PCDHA8: variants seen among roughly 807,000 people sequenced by gnomAD.
The protein encoded by PCDHA8 is protocadherin alpha-8.
Under a neutral mutation model 61.8 loss-of-function variants are expected in PCDHA8, and 53 were observed. The ratio of observed to expected loss-of-function variants is 0.86; its 90% CI spans 0.69 to 1.08. PCDHA8 has a LOEUF of 1.08. Ranked by LOEUF, PCDHA8 falls within the 50% of genes least tolerant of loss-of-function variation. The pLI is 0.00. For synonymous variants in PCDHA8, 618 were observed against 556.6 expected, an observed-to-expected ratio of 1.11 and a Z score of -1.55; for missense variants, 1,293 against 1,245.0, an observed-to-expected ratio of 1.04 and a Z score of -0.58.
chr5:140,855,923 A>C (rs1424860955), intron 1 of PCDHA8: 25 of 1,229,030 alleles, frequency 2.0e-5, no homozygotes, highest in Non-Finnish European at 2.7e-5. Context: ...ACTAGGAAGT[A>C]GCGTCATTCT....
chr5:140,863,572 A>T (rs2048074367), intron 1 of PCDHA8: 1 of 368,290 alleles, frequency 2.7e-6, no homozygotes, highest in African/African-American at 2.1e-5. Flanking sequence ...GAATATAAGT[A>T]CTGTAATCCT....
chr5:140,967,073 G>C (rs1554229137), intron 1 of PCDHA8: 1 of 1,613,160 alleles, frequency 6.2e-7, no homozygotes, highest in Non-Finnish European at 8.5e-7. Context: ...CTTCGTCAAC[G>C]AGCGCATTGA....
Position 141,010,149 on chromosome 5 carries a change from C to T in PCDHA8, c.*212C>T. 6.3e-7 allele frequency: 1 copy of T among 1,580,088 alleles called. No individual in the cohort carries two copies. Among genetic ancestry groups the T allele is most frequent in the Non-Finnish European group, 8.6e-7 (1 of 1,161,942 alleles). On this transcript the variant is annotated 3_prime_UTR_variant, in exon 4 of 4. Transcript: ENST00000531613. ...GTCTGGTGTTAACTCTTTCTCTCCA[C>T]TCTGGCTTGTTTTCAGAACCTAAAA...
rs782239316 is a variant in PCDHA8 at position 140,877,376 on chromosome 5, G to T, written c.2394+33661G>T. 6.2e-6 allele frequency: 10 copies of T among 1,613,896 alleles called. No individual in the cohort carries two copies. The South Asian group carries it at 6.6e-5, about 11-fold the overall frequency. On this transcript the variant is annotated intron_variant, in intron 1 of 3. Transcript: ENST00000531613. The stretch of plus-strand genomic sequence containing the variant: ...TACACTGGCGAGATCAGCACGACAC[G>T]CATCCTGGATGAGGCGGACGCTCCG...
chr5:140,854,720 C>G (rs2043201249), intron 1 of PCDHA8: 1 of 149,654 alleles, frequency 6.7e-6, no homozygotes, highest in African/African-American at 2.4e-5. Flanking sequence ...AGACAGAAAA[C>G]TCAAGTTTTT....
chr5:140,884,821 G>A, intron 1 of PCDHA8: 2 of 1,011,756 alleles, frequency 2.0e-6, no homozygotes, highest in South Asian at 2.2e-5. Flanking sequence ...TGGACATTAT[G>A]TGTTGGATTA....
intron 1 of PCDHA8, chr5:140,863,342 T>G: frequency 7.5e-7 from 1 of 1,338,916 alleles, no homozygotes; most frequent in Non-Finnish European, 1.0e-6. Flanking sequence ...ACGTTGCTGC[T>G]GTACACGACG....
intron 1 of PCDHA8, chr5:140,926,342 G>T (rs1238404747): frequency 6.6e-6 from 1 of 152,270 alleles, no homozygotes; most frequent in Admixed American, 6.5e-5. Flanking sequence ...GCCGGGACCC[G>T]ACGCGCGGCT....
At chr5:140,927,343 G>T (rs2084109180) in intron 1 of PCDHA8, 2 of 1,614,016 alleles carry the variant, frequency 1.2e-6, no homozygotes, top group East Asian at 4.5e-5. Flanking sequence ...TGCCCAAGAT[G>T]ACGACGAGGG....
intron 1 of PCDHA8, chr5:140,882,360 T>A: frequency 6.2e-7 from 1 of 1,614,134 alleles, no homozygotes. Context: ...AGTGGCCAGC[T>A]CCACTACTCC....
At chr5:140,867,729 A>C (rs1274161997) in intron 1 of PCDHA8, 1 of 152,106 alleles carries the variant, frequency 6.6e-6, no homozygotes, top group Non-Finnish European at 1.5e-5. Context: ...AAAGACAAAG[A>C]AAATTCAAGC....
At chr5:140,875,905 T>A (rs1554168057) in intron 1 of PCDHA8, 1 of 1,614,222 alleles carries the variant, frequency 6.2e-7, no homozygotes, top group Admixed American at 1.7e-5. Flanking sequence ...TGTTTCTGAA[T>A]CTGCGCCTCT....
intron 1 of PCDHA8, among the ~76,000 whole-genome samples, chr5:140,940,086 A>C (rs373629874): frequency 6.6e-6 from 1 of 152,214 alleles, no homozygotes; most frequent in Non-Finnish European, 1.5e-5. Flanking sequence ...TTTCTGCTAA[A>C]TTGAAACTTT....
chr5:140,858,024 C>A lies in PCDHA8; in HGVS notation c.2394+14309C>A, dbSNP rs782656168. On this transcript the variant is annotated intron_variant, in intron 1 of 3. Transcript: ENST00000531613. ...AAGGACCATGGCGAGCCGTCGCTGACGGCCACGGCCACTGTGCTTGTGTCG... is the reference window on the plus strand; with the variant it reads ...AAGGACCATGGCGAGCCGTCGCTGAAGGCCACGGCCACTGTGCTTGTGTCG... 1 of 1,596,584 alleles carries A rather than the reference C, an allele frequency of 6.3e-7. No individual in the cohort carries two copies. Among genetic ancestry groups the A allele is most frequent in the East Asian group, 2.2e-5 (1 of 44,824 alleles).
Position 140,856,254 on chromosome 5 carries a change from G to C in PCDHA8, c.2394+12539G>C, listed in dbSNP as rs1554148458. 6.9e-6 allele frequency: 11 copies of C among 1,598,144 alleles called. No homozygotes were observed. Among genetic ancestry groups the C allele is most frequent in the Admixed American group, 1.7e-5 (1 of 59,266 alleles). ...CGCCTGTTCCGGGTGGCGTCCAAAA[G>C]ACACGGGGACCTTCTGGAGGTAAAT... On this transcript the variant is annotated intron_variant, in intron 1 of 3. Transcript: ENST00000531613.
chr5:140,991,152 C>A (rs533894396), intron 3 of PCDHA8, among the ~76,000 whole-genome samples: 29 of 152,168 alleles, frequency 1.9e-4, no homozygotes, highest in Non-Finnish European at 3.2e-4. Flanking sequence ...TTTTGCTCAC[C>A]ATTGTATTCC....
At chr5:140,883,635 C>G (rs997170789) in intron 1 of PCDHA8, 13 of 1,613,058 alleles carry the variant, frequency 8.1e-6, no homozygotes, top group Non-Finnish European at 1.1e-5. Context: ...CCGGCGTTCG[C>G]GCAGCCCGAG....
chr5:140,849,028 T>G lies in PCDHA8; in HGVS notation c.2394+5313T>G, dbSNP rs2040749628. 5.1e-6 allele frequency: 8 copies of G among 1,583,910 alleles called. No homozygotes were observed. The highest frequency in any genetic ancestry group is 1.4e-5 in the African/African-American group (1 of 70,832). Reference sequence around the variant, plus strand: ...TACAGACTGAGCCCCAATGAGTATTTCTTCCTGGACGTGCCAACCAGCAAC... The same window carrying G: ...TACAGACTGAGCCCCAATGAGTATTGCTTCCTGGACGTGCCAACCAGCAAC... On this transcript the variant is annotated intron_variant, in intron 1 of 3. Transcript: ENST00000531613.
At chr5:140,947,601 A>G (rs1296948194) in intron 1 of PCDHA8, among the ~76,000 whole-genome samples, 1 of 151,680 alleles carries the variant, frequency 6.6e-6, no homozygotes, top group Non-Finnish European at 1.5e-5. Context: ...TTTAGGGAAG[A>G]TTTGGTATCT....
Sources: gnomAD v4.1 joint callset for allele counts (sites outside exome capture counted in the v4.1 genomes callset) on GRCh38, gnomAD v4.1.1 for gene constraint, MANE v1.5 for transcripts, NCBI Gene and HGNC (gene_info 2026-07-23, HGNC 2026-07-21) for gene names.